Variants in CD38 observed in about 807,000 individuals in gnomAD.
CD38 encodes the protein CD38 molecule, also known as ADP-ribosyl cyclase/cyclic ADP-ribose hydrolase 1.
Under a neutral mutation model 36.3 loss-of-function variants are expected in CD38, and 31 were observed. The observed-to-expected ratio is 0.85, with a 90% CI of 0.64 to 1.15. The LOEUF (loss-of-function observed/expected upper bound fraction) is 1.15. CD38 is among the 50% of genes most tolerant of loss of function. The pLI is 0.00. For synonymous variants in CD38, 131 were observed against 135.2 expected (o/e 0.97, Z 0.22); for missense variants, 380 against 371.9 (o/e 1.02, Z -0.18).
intron 1 of CD38, among the ~76,000 whole-genome samples, chr4:15,780,542 A>G (rs942676499): frequency 9.6e-4 from 145 of 151,598 alleles, no homozygotes; most frequent in African/African-American, 3.0e-3. Flanking sequence ...ACACACACAC[A>G]CACACACACA....
chr4:15,835,183 C>T (rs1724040275), intron 4 of CD38, among the ~76,000 whole-genome samples: 1 of 151,962 alleles, frequency 6.6e-6, no homozygotes, highest in African/African-American at 2.4e-5. Context: ...ATCTCCTCCT[C>T]CTCCTACTTT....
chr4:15,842,194 A>G (rs1724227973), intron 7 of CD38, among the ~76,000 whole-genome samples: 1 of 108,502 alleles, frequency 9.2e-6, no homozygotes, highest in Non-Finnish European at 1.8e-5. Context: ...TGGTTCTCCC[A>G]GCACGCAGCT....
chr4:15,785,086 CAGAT>C (rs1362895815), intron 1 of CD38, among the ~76,000 whole-genome samples: 1 of 151,274 alleles, frequency 6.6e-6, no homozygotes, highest in Non-Finnish European at 1.5e-5. Context: ...GCACCTGAGA[CAGAT>C]TGAATGTGGA....
chr4:15,807,216 T>A (rs1723361604), intron 1 of CD38, among the ~76,000 whole-genome samples: 1 of 152,136 alleles, frequency 6.6e-6, no homozygotes, highest in African/African-American at 2.4e-5. Context: ...GAGACTGGCT[T>A]TTCCTGGATG....
rs1560323501 is a variant in CD38, at chr4:15,850,443, C to T, written c.*1841C>T. ...AGGCATTTCTGGATTCATATTTTGACATCATGCTGTCATCTTGAACAAAAT... is the reference window on the plus strand; with the variant it reads ...AGGCATTTCTGGATTCATATTTTGATATCATGCTGTCATCTTGAACAAAAT... On this transcript the variant is annotated 3_prime_UTR_variant, in exon 8 of 8. Coordinates refer to ENST00000226279, the MANE Select transcript of CD38 (RefSeq NM_001775.4). The T allele has an allele frequency of 2.0e-5, 3 of 152,202 alleles. No individual in the cohort carries two copies. Among genetic ancestry groups the T allele is most frequent in the Non-Finnish European group, 2.9e-5 (2 of 68,036 alleles). 9.4% of individuals were successfully genotyped at this position (152,202 alleles called of 1,614,324 possible).
chr4:15,803,080 C>T (rs1723264137), intron 1 of CD38, among the ~76,000 whole-genome samples: 1 of 152,064 alleles, frequency 6.6e-6, no homozygotes, highest in Non-Finnish European at 1.5e-5. Context: ...GCTGGGGAAA[C>T]TGGATATTCA....
intron 7 of CD38, among the ~76,000 whole-genome samples, chr4:15,841,968 C>T (rs1724221487): frequency 7.2e-6 from 1 of 138,700 alleles, no homozygotes; most frequent in South Asian, 2.3e-4. Context: ...TGCAAGGCGG[C>T]AACGAGGCTG....
At chr4:15,838,726 C>A (rs1160909602) in intron 5 of CD38, among the ~76,000 whole-genome samples, 1 of 152,172 alleles carries the variant, frequency 6.6e-6, no homozygotes, top group African/African-American at 2.4e-5. Flanking sequence ...CAGGTACTGG[C>A]GGTCATTACA....
intron 1 of CD38, among the ~76,000 whole-genome samples, chr4:15,785,646 G>C (rs1454000372): frequency 1.3e-5 from 2 of 151,908 alleles, no homozygotes; most frequent in Non-Finnish European, 2.9e-5. Flanking sequence ...TAGATATTTT[G>C]GAGGGAAAAA....
intron 1 of CD38, among the ~76,000 whole-genome samples, chr4:15,806,549 C>T (rs1410504286): frequency 1.3e-5 from 2 of 152,172 alleles, no homozygotes; most frequent in Non-Finnish European, 2.9e-5. Context: ...GTGGTGAATG[C>T]TCTTTGGTGA....
At chr4:15,797,643 A>G (rs1238311302) in intron 1 of CD38, among the ~76,000 whole-genome samples, 5 of 152,154 alleles carry the variant, frequency 3.3e-5, no homozygotes, top group Non-Finnish European at 5.9e-5. Flanking sequence ...GAAGTCTAAA[A>G]TCAAGGTGTC....
chr4:15,783,431 G>A (rs1722740356), intron 1 of CD38, among the ~76,000 whole-genome samples: 1 of 152,218 alleles, frequency 6.6e-6, no homozygotes, highest in South Asian at 2.1e-4. Flanking sequence ...GACTGCTGGT[G>A]GTCTAGGCAA....
At position 15,851,521 on chromosome 4, in the gene CD38, C is replaced by G. The variant is rs2148930981; in HGVS notation, c.*2919C>G. 1 of 152,284 alleles carries G rather than the reference C, an allele frequency of 6.6e-6. No individual in the cohort carries two copies. The highest frequency in any genetic ancestry group is 1.9e-4 in the East Asian group (1 of 5,192). The allele number at this position is 152,284 out of a possible 1,614,324, so 9.4% of individuals were successfully genotyped here. A position where few individuals can be genotyped will look rare whatever the true frequency, so the allele number is the denominator to read the frequency against. ...ATGCCCCTTTTCTAAATTCCTAAGG[C>G]TCACCATTTTCCTATTGTAATGGTT... is the stretch of plus-strand genomic sequence containing the variant. On this transcript the variant is annotated 3_prime_UTR_variant, in exon 8 of 8. Coordinates refer to ENST00000226279, the MANE Select transcript of CD38 (RefSeq NM_001775.4).
At chr4:15,798,695 C>A (rs1435848158) in intron 1 of CD38, among the ~76,000 whole-genome samples, 5 of 152,210 alleles carry the variant, frequency 3.3e-5, no homozygotes, top group Non-Finnish European at 5.9e-5. Context: ...TTTATTTTCA[C>A]AAAATTGGTG....
chr4:15,794,374 G>A (rs1259892979), intron 1 of CD38, among the ~76,000 whole-genome samples: 1 of 152,188 alleles, frequency 6.6e-6, no homozygotes. Context: ...TTTTAGTGGA[G>A]ATGTTGACCA....
chr4:15,804,885 T>C (rs1299102970), intron 1 of CD38, among the ~76,000 whole-genome samples: 2 of 152,192 alleles, frequency 1.3e-5, no homozygotes, highest in Non-Finnish European at 2.9e-5. Flanking sequence ...CAATAACTTA[T>C]TGTATATTTT....
intron 1 of CD38, among the ~76,000 whole-genome samples, chr4:15,791,852 C>T (rs1158402501): frequency 1.1e-5 from 1 of 91,530 alleles, no homozygotes; most frequent in Non-Finnish European, 2.0e-5. Context: ...AGGTGAGGGG[C>T]GCCTCTGCCC....
In CD38 at chr4:15,787,101, CTCAA is replaced by C. The variant is rs1722854833; in HGVS notation, c.233+8455_233+8458del. Among the ~76,000 whole-genome samples the C allele has an allele frequency of 2.0e-5, 3 of 152,356 alleles. No homozygotes were observed. In the East Asian group the frequency reaches 5.8e-4, roughly 29 times the overall value. ...GAGCGCCTCTCTCTCTACACCTCCG[CTCAA>C]GCAGAGGGAGCCGACTCCGGCCTGG... is the stretch of plus-strand genomic sequence containing the variant. On this transcript the variant is annotated intron_variant, in intron 1 of 7. Coordinates refer to ENST00000226279, the MANE Select transcript of CD38 (RefSeq NM_001775.4).
chr4:15,791,127 G>T (rs1577636275), intron 1 of CD38, among the ~76,000 whole-genome samples: 2 of 123,904 alleles, frequency 1.6e-5, no homozygotes, highest in South Asian at 5.2e-4. Flanking sequence ...CTACTGGGAA[G>T]TGAGGAGCCC....
Sources: gnomAD v4.1 joint callset for allele counts (sites outside exome capture counted in the v4.1 genomes callset) on GRCh38, gnomAD v4.1.1 for gene constraint, MANE v1.5 for transcripts, NCBI Gene and HGNC (gene_info 2026-07-23, HGNC 2026-07-21) for gene names.